The following SPDYE3 variants were observed in gnomAD, a reference collection of about 807,000 sequenced individuals.
SPDYE3 encodes the protein speedy protein E3.
Under a neutral mutation model 55.0 loss-of-function variants are expected in SPDYE3, and 15 were observed. That is an observed-to-expected ratio of 0.27 (90% CI 0.18 to 0.42). The LOEUF is 0.42. SPDYE3 is among the 10% of genes least tolerant of loss of function. The probability of loss-of-function intolerance (pLI) is 1.00; values close to 1 mark genes in which losing one functional copy is unlikely to be tolerated. For missense variants in SPDYE3, 236 were observed against 576.7 expected, an observed-to-expected ratio of 0.41 and a Z score of 6.05; for synonymous variants, 89 against 229.9, an observed-to-expected ratio of 0.39 and a Z score of 5.55.
At chr7:100,318,917 T>C (rs1397202962) in intron 8 of SPDYE3, among the ~76,000 whole-genome samples, 3 of 149,956 alleles carry the variant, frequency 2.0e-5, no homozygotes, top group Non-Finnish European at 3.0e-5. Context: ...TTTATTTATT[T>C]ATTTATTTAT....
At chr7:100,308,305 T>C (rs1184783151) in intron 1 of SPDYE3, among the ~76,000 whole-genome samples, 2 of 129,456 alleles carry the variant, frequency 1.5e-5, no homozygotes, top group African/African-American at 6.1e-5. Flanking sequence ...CACTCCAGTC[T>C]GGGTGAGAGA....
intron 10 of SPDYE3, chr7:100,320,472 G>A (rs1176095938): frequency 6.1e-6 from 6 of 991,710 alleles, no homozygotes; most frequent in Admixed American, 9.7e-5. Flanking sequence ...TGAGGAGGTA[G>A]GATTATGGAT....
chr7:100,320,964 G>A lies in SPDYE3; in HGVS notation c.*119G>A. On this transcript the variant is annotated 3_prime_UTR_variant, in exon 11 of 11. Transcript: ENST00000332397. ...AGTGCTAATGGCAGACATCAGGAAG[G>A]AGGAGAGGAGCCATTTGTGCAGATC... 2 of 1,213,982 alleles carry A rather than the reference G, an allele frequency of 1.6e-6. No homozygotes were observed. Among genetic ancestry groups the A allele is most frequent in the South Asian group, 1.2e-5 (1 of 85,088 alleles). The allele number at this position is 1,213,982 out of a possible 1,614,324, so 75.2% of individuals were successfully genotyped here.
chr7:100,318,385 C>T (rs1193770171), intron 8 of SPDYE3, among the ~76,000 whole-genome samples: 4 of 152,152 alleles, frequency 2.6e-5, no homozygotes, highest in Non-Finnish European at 4.4e-5. Flanking sequence ...TCTCTACAAT[C>T]TCTACAACCA....
chr7:100,320,948 G>A lies in SPDYE3; in HGVS notation c.*103G>A, dbSNP rs1417262662. 8.2e-6 allele frequency: 10 copies of A among 1,226,092 alleles called. No individual in the cohort carries two copies. The South Asian group carries it at 9.4e-5, about 11-fold the overall frequency. 76.0% of individuals were successfully genotyped at this position (1,226,092 alleles called of 1,614,324 possible). A position where few individuals can be genotyped will look rare whatever the true frequency, so the allele number is the denominator to read the frequency against. ...GCAGGAACTTTATTCCAGTGCTAAT[G>A]GCAGACATCAGGAAGGAGGAGAGGA... is the stretch of plus-strand genomic sequence containing the variant. On this transcript the variant is annotated 3_prime_UTR_variant, in exon 11 of 11. Transcript: ENST00000332397.
At position 100,321,364 on chromosome 7, in the gene SPDYE3, G is replaced by C. The variant is rs922722142; in HGVS notation, c.*519G>C. On this transcript the variant is annotated 3_prime_UTR_variant, in exon 11 of 11. Transcript: ENST00000332397. ...GTTTGTTTGGAAAATGTTGGCCATT[G>C]AATCATTAATAGGTTTATTTCAAAT... The C allele has an allele frequency of 3.3e-6, 1 of 303,850 alleles. No individual in the cohort carries two copies. Among genetic ancestry groups the C allele is most frequent in the African/African-American group, 2.2e-5 (1 of 44,616 alleles). 18.8% of individuals were successfully genotyped at this position (303,850 alleles called of 1,614,324 possible).
chr7:100,318,538 G>A (rs1217333694), intron 8 of SPDYE3, among the ~76,000 whole-genome samples: 4 of 152,068 alleles, frequency 2.6e-5, no homozygotes, highest in African/African-American at 9.7e-5. Context: ...CCTTGAAGTC[G>A]GTTCACCCCA....
At chr7:100,319,505 C>T (rs2129978675) in intron 8 of SPDYE3, 60 bp from the exon 9 acceptor site, 1 of 1,612,258 alleles carries the variant, frequency 6.2e-7, no homozygotes, top group Non-Finnish European at 8.5e-7. Context: ...GGGAAGCTGA[C>T]CTCAGCCGGA....
At position 100,316,979 on chromosome 7, in the gene SPDYE3, A is replaced by G. The variant is rs886627087; in HGVS notation, c.1261-91A>G. 11 of 1,593,906 alleles carry G rather than the reference A, an allele frequency of 6.9e-6. 1 individual carries two copies. The highest frequency in any genetic ancestry group is 6.7e-5 in the African/African-American group (5 of 74,260). The stretch of plus-strand genomic sequence containing the variant: ...GCTGAGGTCCCTTCTCTGATGGGCA[A>G]CCCCTCCCCAGACCCCCATTCCACT... On this transcript the variant is annotated intron_variant, in intron 7 of 10. Transcript: ENST00000332397.
rs529343580 is a variant in SPDYE3 at position 100,320,707 on chromosome 7, C to G, written c.*46-184C>G. On this transcript the variant is annotated intron_variant, in intron 10 of 10. Coordinates refer to ENST00000332397, the MANE Select transcript of SPDYE3 (RefSeq NM_001004351.5). ...GTATTAAGTTTTGGAGTCAGGGTCA[C>G]CAAAGCGTGAGTTTCACAGTTGAAC... 3.5e-5 allele frequency: 38 copies of G among 1,083,550 alleles called. No individual in the cohort carries two copies. In the Admixed American group the frequency reaches 3.7e-4, roughly 11 times the overall value. 67.1% of individuals were successfully genotyped at this position (1,083,550 alleles called of 1,614,324 possible).
chr7:100,319,978 CCACCTTTCCTAGAGCT>C lies in SPDYE3; in HGVS notation c.1640_*5del, dbSNP rs1223256230. Reference sequence around the variant, plus strand: ...ACTGGGTGTGGGCGCGAGATCGCGCCCACCTTTCCTAGAGCTCCAGGGACCGTGGAGGCCTGAGGTC... The same window carrying C: ...ACTGGGTGTGGGCGCGAGATCGCGCCCCAGGGACCGTGGAGGCCTGAGGTC... On this transcript the variant is annotated stop_lost and 3_prime_UTR_variant, in exon 10 of 11. Coordinates refer to ENST00000332397, the MANE Select transcript of SPDYE3 (RefSeq NM_001004351.5). 6.2e-7 allele frequency: 1 copy of C among 1,608,920 alleles called. No homozygotes were observed. Among genetic ancestry groups the C allele is most frequent in the African/African-American group, 1.3e-5 (1 of 74,696 alleles).
At chr7:100,308,680 G>C (rs528451077) in intron 1 of SPDYE3, among the ~76,000 whole-genome samples, 7 of 151,618 alleles carry the variant, frequency 4.6e-5, no homozygotes, top group African/African-American at 1.7e-4. Flanking sequence ...CTACACTCCA[G>C]CCTGGGTGAC....
At position 100,315,834 on chromosome 7, in the gene SPDYE3, G is replaced by A. The variant is rs778490899; in HGVS notation, c.1251G>A (p.Val417=). ...RFLAWDKDLR[V]SDKYLLAMVI... ...TGGCCTGGGACAAAGATCTGAGGGT[G>A]TCAGACAAGGTAAGGTTGTTCTCTA... The change falls in exon 7 of 11, where the codon GTG becomes GTA. Residue 417 remains valine, a synonymous_variant. Transcript: ENST00000332397. 1.0e-5 allele frequency: 16 copies of A among 1,600,172 alleles called. No individual in the cohort carries two copies. Among genetic ancestry groups the A allele is most frequent in the Non-Finnish European group, 1.3e-5 (15 of 1,179,738 alleles).
At chr7:100,314,204 T>C (rs1444120396) in intron 5 of SPDYE3, among the ~76,000 whole-genome samples, 1 of 106,570 alleles carries the variant, frequency 9.4e-6, no homozygotes, top group East Asian at 2.4e-4. Flanking sequence ...GGGAGATAGA[T>C]GTTGCAGTCA....
At chr7:100,315,684 C>T in intron 6 of SPDYE3, 101 bp from the exon 7 acceptor site, 1 of 1,581,898 alleles carries the variant, frequency 6.3e-7, no homozygotes, top group Non-Finnish European at 8.6e-7. Context: ...GGCCACAATC[C>T]TGAGACTTTC....
chr7:100,315,054 G>A (rs984184236), intron 6 of SPDYE3, among the ~76,000 whole-genome samples: 2 of 149,916 alleles, frequency 1.3e-5, no homozygotes, highest in African/African-American at 2.4e-5. Context: ...GGACTTTGAG[G>A]CTGCAGTGAG....
intron 7 of SPDYE3, 58 bp downstream of exon 7, chr7:100,315,901 C>G (rs1453899310): frequency 1.3e-6 from 2 of 1,595,784 alleles, no homozygotes; most frequent in East Asian, 4.5e-5. Context: ...AGGGGGAGGG[C>G]GCAGCTTCCA....
Position 100,313,410 on chromosome 7 carries a change from G to A in SPDYE3, c.982+52G>A. 3 of 1,555,282 alleles carry A rather than the reference G, an allele frequency of 1.9e-6. No homozygotes were observed. In the South Asian group the frequency reaches 3.5e-5, roughly 18 times the overall value. ...CCAATCCTGTTCTTTCTAAAAAGAG[G>A]AAACTTCCAATAACCACACTTTTCC... On this transcript the variant is annotated intron_variant, in intron 5 of 10. Transcript: ENST00000332397.
Position 100,320,887 on chromosome 7 carries a change from C to G in SPDYE3, c.*46-4C>G. On this transcript the variant is annotated splice_region_variant and splice_polypyrimidine_tract_variant and intron_variant, in intron 10 of 10. Transcript: ENST00000332397. ...AGGTGTGACATTGTCTCTCTCACTT[C>G]CAGAACACCGGACCCAGGGGAGATG... 2 of 1,226,906 alleles carry G rather than the reference C, an allele frequency of 1.6e-6. No individual in the cohort carries two copies. Among genetic ancestry groups the G allele is most frequent in the Non-Finnish European group, 2.2e-6 (2 of 911,018 alleles). 76.0% of individuals were successfully genotyped at this position (1,226,906 alleles called of 1,614,324 possible). A position where few individuals can be genotyped will look rare whatever the true frequency, so the allele number is the denominator to read the frequency against.
Sources: allele counts gnomAD v4.1 joint callset (sites outside exome capture counted in the v4.1 genomes callset), GRCh38; gene constraint gnomAD v4.1.1; transcripts MANE v1.5; gene names NCBI Gene and HGNC (gene_info 2026-07-23, HGNC 2026-07-21).